Variants in SUPT3H observed in about 807,000 individuals in gnomAD.
SUPT3H encodes the protein SPT3 homolog, SAGA and STAGA complex component, also known as transcription initiation protein SPT3 homolog.
In SUPT3H, 44 loss-of-function variants were observed where a neutral mutation model predicts 44.3. The ratio of observed to expected loss-of-function variants is 0.99; its 90% confidence interval spans 0.78 to 1.28. SUPT3H has a LOEUF of 1.28. Among genes scored for constraint, SUPT3H ranks in the 50% most tolerant of loss-of-function variants. The pLI is 0.00. For synonymous variants in SUPT3H, 124 were observed against 125.6 expected, an observed-to-expected ratio of 0.99 and a Z score of 0.09; for missense variants, 380 against 387.1, an observed-to-expected ratio of 0.98 and a Z score of 0.15.
intron 11 of SUPT3H, among the ~76,000 whole-genome samples, chr6:44,821,362 G>T (rs1268334570): frequency 1.3e-5 from 2 of 152,124 alleles, no homozygotes; most frequent in Non-Finnish European, 2.9e-5. Flanking sequence ...TGATAAAAAT[G>T]ATTTACAAAA....
intron 10 of SUPT3H, among the ~76,000 whole-genome samples, chr6:44,840,804 C>T (rs969383197): frequency 2.0e-5 from 3 of 152,180 alleles, no homozygotes; most frequent in Admixed American, 1.3e-4. Context: ...CTCTTAGAAG[C>T]CCTTTAGCCA....
chr6:45,248,846 C>G (rs112859340), intron 2 of SUPT3H, among the ~76,000 whole-genome samples: 2 of 149,494 alleles, frequency 1.3e-5, no homozygotes, highest in Non-Finnish European at 3.0e-5. Flanking sequence ...ACCCAAGAGG[C>G]GGAGGTTGCA....
chr6:45,365,375 A>C, intron 1 of SUPT3H, 74 bp from the exon 2 acceptor site: 1 of 1,002,350 alleles, frequency 1.0e-6, no homozygotes. Context: ...AAGAAAGCAA[A>C]TATAAATTAC....
rs530692559 is a variant in SUPT3H at position 44,859,559 on chromosome 6, G to GT, written c.913-29703dup. Among the ~76,000 whole-genome samples the GT allele has an allele frequency of 3.4e-3, 512 of 152,156 alleles. 1 individual carries two copies. The highest frequency in any genetic ancestry group is 4.9e-3 in the Non-Finnish European group (330 of 68,004). On this transcript the variant is annotated intron_variant, in intron 10 of 10. Transcript: ENST00000371459. ...CCACTCAGAATGTGGTGCTAATGAG[G>GT]TTATTGCTTAATAGAACCATAGAAG...
At chr6:44,952,410 T>C (rs1264447697) in intron 9 of SUPT3H, among the ~76,000 whole-genome samples, 1 of 152,182 alleles carries the variant, frequency 6.6e-6, no homozygotes, top group Non-Finnish European at 1.5e-5. Context: ...TAGAAATGAT[T>C]TGAACCACTA....
chr6:44,902,056 C>T (rs1765162548), intron 10 of SUPT3H, among the ~76,000 whole-genome samples: 1 of 152,146 alleles, frequency 6.6e-6, no homozygotes, highest in Non-Finnish European at 1.5e-5. Flanking sequence ...CTGGTACCAG[C>T]CACTGCAAAA....
chr6:45,375,198 A>C (rs1207184484), intron 1 of SUPT3H, among the ~76,000 whole-genome samples: 1 of 152,126 alleles, frequency 6.6e-6, no homozygotes, highest in Non-Finnish European at 1.5e-5. Flanking sequence ...CAAGAGTGAA[A>C]CTCCATCTCA....
In SUPT3H at chr6:45,302,558, C is replaced by CATATATATAT. The variant is rs1562914804; in HGVS notation, c.101+62642_101+62643insATATATATAT. Reference sequence around the variant, plus strand: ...ATATATATATATATATATATATATGCATGCCACAATTTATTTATCTACTTA... The same window carrying CATATATATAT: ...ATATATATATATATATATATATATGCATATATATATATGCCACAATTTATTTATCTACTTA... On this transcript the variant is annotated intron_variant, in intron 2 of 10. Coordinates refer to ENST00000371459, the MANE Select transcript of SUPT3H (RefSeq NM_003599.4). Among the ~76,000 whole-genome samples, 134 of 73,730 alleles carry CATATATATAT rather than the reference C, an allele frequency of 1.8e-3. 3 individuals are homozygous for CATATATATAT. The highest frequency in any genetic ancestry group is 4.6e-3 in the South Asian group (10 of 2,176). 48.4% of individuals were successfully genotyped at this position (73,730 alleles called of 152,430 possible). A position where few individuals can be genotyped will look rare whatever the true frequency, so the allele number is the denominator to read the frequency against.
chr6:44,953,514 A>G, intron 8 of SUPT3H, 97 bp from the exon 9 acceptor site: 1 of 921,664 alleles, frequency 1.1e-6, no homozygotes. Flanking sequence ...AATGTTACTG[A>G]TAATCCTGCT....
intron 10 of SUPT3H, among the ~76,000 whole-genome samples, chr6:44,913,033 G>A (rs1175794918): frequency 1.3e-5 from 2 of 152,170 alleles, no homozygotes; most frequent in Admixed American, 1.3e-4. Flanking sequence ...CAGAAAAACT[G>A]ATTTCCCTGG....
chr6:45,303,009 A>G (rs1782398678), intron 2 of SUPT3H, among the ~76,000 whole-genome samples: 1 of 152,132 alleles, frequency 6.6e-6, no homozygotes, highest in African/African-American at 2.4e-5. Flanking sequence ...AACGAAACAT[A>G]AAGCGGGGAA....
chr6:45,041,537 C>G (rs1248957772), intron 3 of SUPT3H, among the ~76,000 whole-genome samples: 1 of 152,168 alleles, frequency 6.6e-6, no homozygotes, highest in Admixed American at 6.6e-5. Context: ...CCAACTGATG[C>G]AGGGCAGTGT....
intron 6 of SUPT3H, among the ~76,000 whole-genome samples, chr6:44,975,557 T>C (rs1050593970): frequency 1.3e-5 from 2 of 151,438 alleles, no homozygotes; most frequent in African/African-American, 4.9e-5. Flanking sequence ...AAGAATGATA[T>C]AAGGAACTTT....
At chr6:45,213,164 C>A (rs1026291507) in intron 2 of SUPT3H, among the ~76,000 whole-genome samples, 1 of 152,140 alleles carries the variant, frequency 6.6e-6, no homozygotes, top group African/African-American at 2.4e-5. Flanking sequence ...CCTCATGATT[C>A]ATTTAGCTTG....
intron 2 of SUPT3H, among the ~76,000 whole-genome samples, chr6:45,137,293 A>G (rs904058916): frequency 2.0e-5 from 3 of 152,204 alleles, no homozygotes; most frequent in Middle Eastern, 3.4e-3. Context: ...ACATTATGTG[A>G]TAACTCAAAT....
chr6:45,281,978 G>GT lies in SUPT3H; in HGVS notation c.101+83222_101+83223insA, dbSNP rs1231273147. Among the ~76,000 whole-genome samples the GT allele has an allele frequency of 6.6e-5, 10 of 152,250 alleles. No homozygotes were observed. In the East Asian group the frequency reaches 1.4e-3, roughly 21 times the overall value. Reference sequence around the variant, plus strand: ...CCACTGCTGATACCCAGGCAAACAGGGTCTAGAGTGGACATCCAGCAAACT... The same window carrying GT: ...CCACTGCTGATACCCAGGCAAACAGGTGTCTAGAGTGGACATCCAGCAAACT... On this transcript the variant is annotated intron_variant, in intron 2 of 10. Coordinates refer to ENST00000371459, the MANE Select transcript of SUPT3H (RefSeq NM_003599.4).
At position 44,828,837 on chromosome 6, in the gene SUPT3H, G is replaced by GAAAT. The variant is rs1581851636; in HGVS notation, c.*975_*978dup. The GAAAT allele has an allele frequency of 6.6e-6, 1 of 152,596 alleles. No homozygotes were observed. The highest frequency in any genetic ancestry group is 1.5e-5 in the Non-Finnish European group (1 of 68,018). The allele number at this position is 152,596 out of a possible 1,614,324, so 9.5% of individuals were successfully genotyped here. A position where few individuals can be genotyped will look rare whatever the true frequency, so the allele number is the denominator to read the frequency against. Reference sequence around the variant, plus strand: ...TATACAAAACTCCCACAGAATTAAAGAAATAACTTTCTTTTTTGCAACTGA... The same window carrying GAAAT: ...TATACAAAACTCCCACAGAATTAAAGAAATAAATAACTTTCTTTTTTGCAACTGA... On this transcript the variant is annotated 3_prime_UTR_variant, in exon 11 of 11. Transcript: ENST00000371459.
In SUPT3H at chr6:44,828,033, C is replaced by A. The variant is rs2153407888; in HGVS notation, c.*1783G>T. Among the ~76,000 whole-genome samples the A allele has an allele frequency of 6.6e-6, 1 of 152,118 alleles. No individual in the cohort carries two copies. The highest frequency in any genetic ancestry group is 6.5e-5 in the Admixed American group (1 of 15,276). On this transcript the variant is annotated 3_prime_UTR_variant, in exon 11 of 11. Coordinates refer to ENST00000371459, the MANE Select transcript of SUPT3H (RefSeq NM_003599.4). ...GGTGGAATAAAACGAAGGAAAAAAA[C>A]CCAAACCCTATATTTTCTGCCTTGT...
chr6:45,081,815 A>G (rs549437895), intron 3 of SUPT3H, among the ~76,000 whole-genome samples: 44 of 152,226 alleles, frequency 2.9e-4, no homozygotes, highest in African/African-American at 9.9e-4. Context: ...ATTGACAGAA[A>G]CAATTCTAAA....
Sources: gnomAD v4.1 joint callset for allele counts (sites outside exome capture counted in the v4.1 genomes callset) on GRCh38, gnomAD v4.1.1 for gene constraint, MANE v1.5 for transcripts, NCBI Gene and HGNC (gene_info 2026-07-23, HGNC 2026-07-21) for gene names.